SGK3: variants seen among roughly 807,000 people sequenced by gnomAD.
SGK3 encodes serum/glucocorticoid regulated kinase family member 3.
Under a neutral mutation model 68.5 loss-of-function variants are expected in SGK3, and 47 were observed. The observed-to-expected ratio is 0.69, with a 90% CI of 0.54 to 0.87. SGK3 has a LOEUF of 0.87. Among genes scored for constraint, SGK3 ranks in the 40% least tolerant of loss-of-function variants. The pLI is 0.00. For synonymous variants in SGK3, 181 were observed against 189.1 expected, an observed-to-expected ratio of 0.96 and a Z score of 0.35; for missense variants, 479 against 575.5, an observed-to-expected ratio of 0.83 and a Z score of 1.72.
intron 1 of SGK3, among the ~76,000 whole-genome samples, chr8:66,768,346 T>G (rs938620063): frequency 6.6e-6 from 1 of 152,130 alleles, no homozygotes; most frequent in Non-Finnish European, 1.5e-5. Flanking sequence ...AAATCTGGAA[T>G]AACTTTTCTA....
intron 13 of SGK3, among the ~76,000 whole-genome samples, chr8:66,841,654 C>T (rs1249879385): frequency 6.6e-6 from 1 of 152,120 alleles, no homozygotes; most frequent in Non-Finnish European, 1.5e-5. Flanking sequence ...TTATTGGTTT[C>T]TCTTGTTTTT....
intron 1 of SGK3, among the ~76,000 whole-genome samples, chr8:66,723,090 CATATATATATATATATATATATAT>C (rs1168038766): frequency 1.4e-4 from 3 of 21,276 alleles, no homozygotes; most frequent in African/African-American, 7.3e-4. Flanking sequence ...AGATTTTGTT[CATATATATATATATATATATATAT>C]ATATATATAT....
At chr8:66,816,802 T>C (rs1175134151) in intron 5 of SGK3, among the ~76,000 whole-genome samples, 4 of 152,122 alleles carry the variant, frequency 2.6e-5, no homozygotes, top group Admixed American at 1.3e-4. Flanking sequence ...TATATACCTG[T>C]TATTACTGTT....
chr8:66,727,650 G>C (rs891074736), intron 1 of SGK3, among the ~76,000 whole-genome samples: 2 of 152,150 alleles, frequency 1.3e-5, no homozygotes, highest in African/African-American at 2.4e-5. Flanking sequence ...GCTTTCTGCC[G>C]TATGAGGACA....
intron 4 of SGK3, 97 bp from the exon 5 acceptor site, chr8:66,813,756 C>G: frequency 2.8e-6 from 3 of 1,057,808 alleles, no homozygotes; most frequent in Middle Eastern, 2.6e-4. Context: ...GCTTCTTAAT[C>G]AAAATTCACT....
chr8:66,736,910 T>C (rs139760351), intron 1 of SGK3, among the ~76,000 whole-genome samples: 328 of 150,090 alleles, frequency 2.2e-3, no homozygotes, highest in African/African-American at 7.9e-3. Flanking sequence ...TGAGCCACCG[T>C]GCCCGGCCCA....
At chr8:66,714,304 G>A (rs906891221) in intron 1 of SGK3, among the ~76,000 whole-genome samples, 4 of 152,224 alleles carry the variant, frequency 2.6e-5, no homozygotes, top group African/African-American at 9.6e-5. Flanking sequence ...TGGTAGGTCA[G>A]CCTCATAGGT....
At chr8:66,714,446 T>C (rs1804576891) in intron 1 of SGK3, among the ~76,000 whole-genome samples, 1 of 152,170 alleles carries the variant, frequency 6.6e-6, no homozygotes, top group East Asian at 1.9e-4. Flanking sequence ...ACTATGAATG[T>C]AATGTCAAAA....
At chr8:66,818,739 A>G (rs965489942) in intron 5 of SGK3, among the ~76,000 whole-genome samples, 1 of 152,202 alleles carries the variant, frequency 6.6e-6, no homozygotes, top group Admixed American at 6.5e-5. Flanking sequence ...CTCATTAACT[A>G]TAGTTTGCTC....
chr8:66,778,271 A>G (rs554251919), intron 1 of SGK3, among the ~76,000 whole-genome samples: 1 of 152,234 alleles, frequency 6.6e-6, no homozygotes, highest in South Asian at 2.1e-4. Flanking sequence ...GAAAAATAAG[A>G]CCCACATCTG....
At chr8:66,819,891 C>T (rs528533270) in intron 5 of SGK3, among the ~76,000 whole-genome samples, 3 of 151,662 alleles carry the variant, frequency 2.0e-5, no homozygotes, top group African/African-American at 7.3e-5. Flanking sequence ...CATCTTGGCT[C>T]ACAGCAGACT....
chr8:66,843,908 C>T (rs1809898710), intron 14 of SGK3, among the ~76,000 whole-genome samples: 1 of 143,134 alleles, frequency 7.0e-6, no homozygotes, highest in African/African-American at 2.6e-5. Context: ...GCCCAAGAAT[C>T]GCTTGAACCC....
At chr8:66,735,667 C>T (rs982246406) in intron 1 of SGK3, among the ~76,000 whole-genome samples, 1 of 152,268 alleles carries the variant, frequency 6.6e-6, no homozygotes, top group African/African-American at 2.4e-5. Flanking sequence ...GCAAGAAGCA[C>T]TTTCCCATTT....
In SGK3 at chr8:66,762,820, T is replaced by C. The variant is rs554123707; in HGVS notation, c.-121-30796T>C. On this transcript the variant is annotated intron_variant, in intron 1 of 16. Coordinates refer to ENST00000521198, the MANE Select transcript of SGK3 (RefSeq NM_001033578.3). ...GCCTGTAGGATCTCCCACTAAAGTT[T>C]ACTGATTGCATCCCTATGATGTCAT... 3.3e-5 allele frequency among the ~76,000 whole-genome samples: 5 copies of C among 152,364 alleles called. No individual in the cohort carries two copies. In the South Asian group the frequency reaches 1.0e-3, roughly 32 times the overall value.
intron 1 of SGK3, among the ~76,000 whole-genome samples, chr8:66,731,303 A>C (rs1805143880): frequency 6.6e-6 from 1 of 152,160 alleles, no homozygotes. Context: ...TAGTTGGTTT[A>C]TAGTGTTGTT....
At position 66,715,265 on chromosome 8, in the gene SGK3, G is replaced by T. The variant is rs1047907468; in HGVS notation, c.-122+2432G>T. On this transcript the variant is annotated intron_variant, in intron 1 of 16. Transcript: ENST00000521198. ...GCTTGCTTTCTTTCTTTCTTTCTTT[G>T]TTTTTTTTTTGAGACAGAGTCTTGC... Among the ~76,000 whole-genome samples, 574 of 111,630 alleles carry T rather than the reference G, an allele frequency of 5.1e-3. 6 individuals carry two copies. The highest frequency in any genetic ancestry group is 0.028 in the African/African-American group (464 of 16,404). The allele number at this position is 111,630 out of a possible 152,430, so 73.2% of individuals were successfully genotyped here.
intron 1 of SGK3, chr8:66,737,164 CTTTG>C (rs925726268): frequency 3.3e-4 from 50 of 151,562 alleles, no homozygotes; most frequent in African/African-American, 1.1e-3. Flanking sequence ...ATTGCCTTGA[CTTTG>C]TTTCTCTGTT....
At position 66,831,453 on chromosome 8, in the gene SGK3, C is replaced by T. The variant is rs538837016; in HGVS notation, c.525+142C>T. 2.5e-4 allele frequency: 238 copies of T among 959,688 alleles called. 1 individual carries two copies. The African/African-American group carries it at 3.4e-3, about 14-fold the overall frequency. 59.4% of individuals were successfully genotyped at this position (959,688 alleles called of 1,614,324 possible). ...CTCCTGGGCTCAAGCCATCCTCCCA[C>T]CTCAGCCTCCCGAGTAGCTGGGACT... is the stretch of plus-strand genomic sequence containing the variant. On this transcript the variant is annotated intron_variant, in intron 8 of 16. Transcript: ENST00000521198.
intron 5 of SGK3, among the ~76,000 whole-genome samples, chr8:66,816,734 T>C (rs552172037): frequency 4.1e-4 from 63 of 152,162 alleles, no homozygotes; most frequent in Non-Finnish European, 5.7e-4. Context: ...CTTAAGACAG[T>C]AGAAATTTAA....
Sources: gnomAD v4.1 joint callset for allele counts (sites outside exome capture counted in the v4.1 genomes callset) on GRCh38, gnomAD v4.1.1 for gene constraint, MANE v1.5 for transcripts, NCBI Gene and HGNC (gene_info 2026-07-23, HGNC 2026-07-21) for gene names.